The following SMYD3 variants were observed in gnomAD, a reference collection of about 807,000 sequenced individuals.
SMYD3 encodes SET and MYND domain containing 3, also known as histone-lysine N-methyltransferase SMYD3.
Under a neutral mutation model 57.7 loss-of-function variants are expected in SMYD3, and 36 were observed. The ratio of observed to expected loss-of-function variants is 0.62; its 90% CI spans 0.48 to 0.82. SMYD3 has a LOEUF of 0.82. SMYD3 is among the 40% of genes least tolerant of loss of function. SMYD3 has a pLI of 0.00. For missense variants in SMYD3, 515 were observed against 538.8 expected, an observed-to-expected ratio of 0.96 and a Z score of 0.44; for synonymous variants, 211 against 195.0, an observed-to-expected ratio of 1.08 and a Z score of -0.68.
At chr1:246,248,483 C>A (rs1243502931) in intron 5 of SMYD3, among the ~76,000 whole-genome samples, 1 of 152,002 alleles carries the variant, frequency 6.6e-6, no homozygotes, top group Non-Finnish European at 1.5e-5. Context: ...AATTACCGGT[C>A]AGTATGTAAG....
intron 5 of SMYD3, among the ~76,000 whole-genome samples, chr1:246,222,652 A>G (rs1425845506): frequency 6.6e-6 from 1 of 152,186 alleles, no homozygotes; most frequent in Non-Finnish European, 1.5e-5. Flanking sequence ...AACTTTTATC[A>G]TTACTCTTTT....
intron 5 of SMYD3, among the ~76,000 whole-genome samples, chr1:246,261,456 A>T (rs1287318430): frequency 6.6e-6 from 1 of 151,854 alleles, no homozygotes. Flanking sequence ...TTTCTTAAAG[A>T]TATAATCGTT....
chr1:246,427,828 T>C (rs970427649), intron 1 of SMYD3, among the ~76,000 whole-genome samples: 14 of 152,102 alleles, frequency 9.2e-5, no homozygotes, highest in Non-Finnish European at 1.6e-4. Flanking sequence ...CACTCCAGCG[T>C]AGGTGATACA....
At chr1:245,786,214 G>A (rs1254428124) in intron 10 of SMYD3, among the ~76,000 whole-genome samples, 1 of 68,724 alleles carries the variant, frequency 1.5e-5, no homozygotes, top group Non-Finnish European at 2.4e-5. Context: ...GGGTGTGGAC[G>A]GGGGGGGGAT....
At chr1:246,271,134 T>C (rs2064212558) in intron 5 of SMYD3, among the ~76,000 whole-genome samples, 1 of 152,198 alleles carries the variant, frequency 6.6e-6, no homozygotes, top group African/African-American at 2.4e-5. Flanking sequence ...ACTTAAGTCC[T>C]TTGCCCATTT....
At chr1:246,106,110 T>C (rs1291172437) in intron 5 of SMYD3, among the ~76,000 whole-genome samples, 2 of 152,218 alleles carry the variant, frequency 1.3e-5, no homozygotes, top group Non-Finnish European at 2.9e-5. Context: ...TCCTACTCTC[T>C]AGGCCTTGTG....
In SMYD3 at chr1:246,361,326, G is replaced by A. The variant is rs565187566; in HGVS notation, c.165-6232C>T. 9.1e-4 allele frequency among the ~76,000 whole-genome samples: 138 copies of A among 152,228 alleles called. 1 individual carries two copies. The highest frequency in any genetic ancestry group is 3.3e-3 in the African/African-American group (137 of 41,536). On this transcript the variant is annotated intron_variant, in intron 1 of 11. Coordinates refer to ENST00000490107, the MANE Select transcript of SMYD3 (RefSeq NM_001167740.2). ...ACGTAGGCACAGATGCAGTGAAAAG[G>A]GAACACTTTTACACTGTTGGTGGGA... is the stretch of plus-strand genomic sequence containing the variant.
At chr1:246,284,571 C>T (rs535726054) in intron 5 of SMYD3, among the ~76,000 whole-genome samples, 10 of 151,962 alleles carry the variant, frequency 6.6e-5, no homozygotes, top group Admixed American at 5.9e-4. Flanking sequence ...CACCCGCCAC[C>T]ACACCCGGCT....
intron 5 of SMYD3, among the ~76,000 whole-genome samples, chr1:246,212,895 G>A (rs1440971819): frequency 1.3e-5 from 2 of 152,138 alleles, no homozygotes; most frequent in Non-Finnish European, 2.9e-5. Flanking sequence ...TGGGTTATGA[G>A]AAATGGATTT....
chr1:245,891,159 C>A (rs1047209944), intron 8 of SMYD3, among the ~76,000 whole-genome samples: 6 of 152,082 alleles, frequency 3.9e-5, no homozygotes, highest in Non-Finnish European at 7.4e-5. Context: ...CTATTTGATA[C>A]AACAGGGTGA....
At chr1:246,044,564 G>A (rs1446202909) in intron 5 of SMYD3, among the ~76,000 whole-genome samples, 1 of 152,042 alleles carries the variant, frequency 6.6e-6, no homozygotes, top group African/African-American at 2.4e-5. Flanking sequence ...AGAGGCTAGA[G>A]GTCACTGGTC....
Position 246,043,875 on chromosome 1 carries a change from A to C in SMYD3, c.532-113938T>G, listed in dbSNP as rs75160927. Among the ~76,000 whole-genome samples the C allele has an allele frequency of 9.0e-3, 1,376 of 152,260 alleles. 7 individuals carry two copies. Among genetic ancestry groups the C allele is most frequent in the Non-Finnish European group, 0.014 (975 of 68,014 alleles). ...CTGCCAGAGGAGAAAACCTGGCTACAGAGAGTGGACTGGATAATGACTCGC... is the reference window on the plus strand; with the variant it reads ...CTGCCAGAGGAGAAAACCTGGCTACCGAGAGTGGACTGGATAATGACTCGC... On this transcript the variant is annotated intron_variant, in intron 5 of 11. Coordinates refer to ENST00000490107, the MANE Select transcript of SMYD3 (RefSeq NM_001167740.2).
rs140373795 is a variant in SMYD3, at chr1:246,094,496, A to T, written c.532-164559T>A. 1.1e-3 allele frequency among the ~76,000 whole-genome samples: 170 copies of T among 152,288 alleles called. 2 individuals are homozygous for T. The highest frequency in any genetic ancestry group is 4.0e-3 in the African/African-American group (166 of 41,556). On this transcript the variant is annotated intron_variant, in intron 5 of 11. Transcript: ENST00000490107. ...TTTAAGTTTTGTATCATTATGACTT[A>T]GTGTATCTGGATACTTGGGGCTCTC...
intron 5 of SMYD3, among the ~76,000 whole-genome samples, chr1:246,306,323 G>A (rs2064978042): frequency 2.0e-5 from 3 of 152,000 alleles, no homozygotes; most frequent in Non-Finnish European, 2.9e-5. Flanking sequence ...CTCCAGCATG[G>A]GTGACAGAGC....
At chr1:245,833,905 G>A (rs1035694900) in intron 10 of SMYD3, among the ~76,000 whole-genome samples, 11 of 152,198 alleles carry the variant, frequency 7.2e-5, no homozygotes, top group South Asian at 2.1e-4. Context: ...GCCCATCCCC[G>A]CTTCTGACAC....
intron 5 of SMYD3, among the ~76,000 whole-genome samples, chr1:246,279,573 T>A (rs1255400209): frequency 6.6e-6 from 1 of 152,076 alleles, no homozygotes; most frequent in South Asian, 2.1e-4. Flanking sequence ...GTTATGTGCA[T>A]GGGGTTCTAC....
intron 1 of SMYD3, among the ~76,000 whole-genome samples, chr1:246,421,367 T>C (rs937737255): frequency 1.4e-4 from 22 of 152,088 alleles, no homozygotes; most frequent in Admixed American, 8.5e-4. Flanking sequence ...AAAAGAATTT[T>C]AATAAAAAGA....
At chr1:246,340,109 A>C (rs1336206333) in intron 2 of SMYD3, among the ~76,000 whole-genome samples, 2 of 152,238 alleles carry the variant, frequency 1.3e-5, no homozygotes, top group African/African-American at 4.8e-5. Flanking sequence ...AAATAGATGA[A>C]ACAAAATACA....
At chr1:246,224,029 C>T (rs2063292375) in intron 5 of SMYD3, among the ~76,000 whole-genome samples, 2 of 152,136 alleles carry the variant, frequency 1.3e-5, no homozygotes, top group Admixed American at 1.3e-4. Flanking sequence ...AAGCATTCTT[C>T]TGAGAATCTT....
Sources: allele counts gnomAD v4.1 joint callset (sites outside exome capture counted in the v4.1 genomes callset), GRCh38; gene constraint gnomAD v4.1.1; transcripts MANE v1.5; gene names NCBI Gene and HGNC (gene_info 2026-07-23, HGNC 2026-07-21).